Variants in DCDC1 observed in about 807,000 individuals in gnomAD.
DCDC1 encodes the protein doublecortin domain-containing protein 1.
A neutral mutation model predicts 178.3 loss-of-function variants in DCDC1; 200 were observed. The observed-to-expected ratio is 1.12, with a 90% CI of 1.00 to 1.26. The LOEUF (loss-of-function observed/expected upper bound fraction) is 1.26, where lower values mean the gene tolerates loss of function less well. DCDC1 is among the 50% of genes most tolerant of loss of function. The pLI, the probability that DCDC1 is intolerant of heterozygous loss-of-function variation, is 0.00. For missense variants in DCDC1, 1,983 were observed against 1,749.2 expected (o/e 1.13, Z -2.38); for synonymous variants, 690 against 604.8 (o/e 1.14, Z -2.07).
At chr11:31,305,814 T>A in intron 5 of DCDC1, 37 bp from the exon 6 acceptor site, 1 of 1,601,380 alleles carries the variant, frequency 6.2e-7, no homozygotes, top group Non-Finnish European at 8.5e-7. Context: ...AGTGATTTAC[T>A]ACAAAGAAAG....
chr11:31,297,262 A>C (rs902978392), intron 6 of DCDC1, among the ~76,000 whole-genome samples: 1 of 152,112 alleles, frequency 6.6e-6, no homozygotes, highest in Admixed American at 6.5e-5. Flanking sequence ...TAGTGAGGGG[A>C]CTGTAGGGTA....
chr11:30,969,493 T>A (rs1346372912), intron 20 of DCDC1, among the ~76,000 whole-genome samples: 1 of 152,190 alleles, frequency 6.6e-6, no homozygotes, highest in Non-Finnish European at 1.5e-5. Flanking sequence ...TGATACTGAT[T>A]TTTAAATTTC....
At chr11:31,073,610 C>G (rs1338003158) in intron 18 of DCDC1, among the ~76,000 whole-genome samples, 1 of 151,942 alleles carries the variant, frequency 6.6e-6, no homozygotes, top group Non-Finnish European at 1.5e-5. Flanking sequence ...AAGTACAAGA[C>G]TCCTTCTTCA....
At chr11:31,041,106 G>T (rs1590848639) in intron 20 of DCDC1, among the ~76,000 whole-genome samples, 1 of 152,186 alleles carries the variant, frequency 6.6e-6, no homozygotes, top group East Asian at 1.9e-4. Context: ...TACTTCTTGA[G>T]TTTGTGGTGT....
intron 20 of DCDC1, among the ~76,000 whole-genome samples, chr11:31,029,594 T>C (rs1202388875): frequency 6.6e-6 from 1 of 152,116 alleles, no homozygotes; most frequent in Non-Finnish European, 1.5e-5. Context: ...ATATTCTATG[T>C]TGTTTTGGTT....
At chr11:31,360,536 C>T (rs1951653703) in intron 1 of DCDC1, among the ~76,000 whole-genome samples, 1 of 152,090 alleles carries the variant, frequency 6.6e-6, no homozygotes, top group African/African-American at 2.4e-5. Context: ...CAGCAAATAA[C>T]TAATAATAAA....
At chr11:30,890,656 A>G (rs945297628) in intron 36 of DCDC1, among the ~76,000 whole-genome samples, 2 of 152,248 alleles carry the variant, frequency 1.3e-5, no homozygotes, top group African/African-American at 4.8e-5. Context: ...CACATAGGAA[A>G]ACATGCAAGA....
intron 20 of DCDC1, among the ~76,000 whole-genome samples, chr11:30,990,196 G>T (rs2134911801): frequency 6.6e-6 from 1 of 151,986 alleles, no homozygotes; most frequent in South Asian, 2.1e-4. Flanking sequence ...ATATATATAT[G>T]CAGTTGAGTT....
chr11:31,111,930 C>T (rs1959183052), intron 11 of DCDC1, among the ~76,000 whole-genome samples: 1 of 152,202 alleles, frequency 6.6e-6, no homozygotes, highest in Non-Finnish European at 1.5e-5. Context: ...TCTTGGTCAA[C>T]ACCTAATACC....
chr11:31,285,096 A>G (rs914366208), intron 7 of DCDC1, among the ~76,000 whole-genome samples: 16 of 152,080 alleles, frequency 1.1e-4, no homozygotes, highest in African/African-American at 3.9e-4. Flanking sequence ...TCATTTTTAA[A>G]AAAATTCTGA....
intron 23 of DCDC1, 131 bp downstream of exon 23, chr11:30,925,178 T>G: frequency 1.3e-6 from 1 of 769,446 alleles, no homozygotes; most frequent in Non-Finnish European, 2.1e-6. Context: ...TGATGTTTGC[T>G]CAGTTAGGAT....
intron 10 of DCDC1, 134 bp from the exon 11 acceptor site, chr11:31,127,773 A>G (rs1961858909): frequency 5.3e-6 from 3 of 565,450 alleles, no homozygotes; most frequent in Non-Finnish European, 9.4e-6. Flanking sequence ...TCTATCCTCA[A>G]GTAAAAACAA....
chr11:31,325,216 T>C (rs1349837893), intron 3 of DCDC1, among the ~76,000 whole-genome samples: 2 of 152,192 alleles, frequency 1.3e-5, no homozygotes, highest in Non-Finnish European at 2.9e-5. Context: ...GTGCTGGATA[T>C]GAATATGGTG....
chr11:30,882,437 T>C (rs1470893559), intron 36 of DCDC1: 1 of 112,812 alleles, frequency 8.9e-6, no homozygotes. Flanking sequence ...TAATGTTATC[T>C]ATTTTTATAT....
intron 20 of DCDC1, among the ~76,000 whole-genome samples, chr11:31,060,256 C>A (rs1187011320): frequency 6.6e-6 from 1 of 151,914 alleles, no homozygotes; most frequent in Non-Finnish European, 1.5e-5. Flanking sequence ...GACTTTACAG[C>A]AATTGTAAAA....
Position 30,881,166 on chromosome 11 carries a change from G to A in DCDC1, c.5225C>T (p.Thr1742Ile), listed in dbSNP as rs1296485053. Residue 1742 changes from threonine to isoleucine, a missense_variant, in exon 37 of 39, where the codon ACC becomes ATC. Physicochemically the swap from Thr to Ile is moderately conservative, Grantham distance 89 (BLOSUM62 -1). Coordinates refer to ENST00000684477, the MANE Select transcript of DCDC1 (RefSeq NM_001387274.1). ...ICVSMGHGFK[T>I]PKELKQLMEI... ...GAAACTATCATGCATACCTTTTGGGGTTTTGAAACCATGTCCCATAGACAC... is the reference window on the plus strand; with the variant it reads ...GAAACTATCATGCATACCTTTTGGGATTTTGAAACCATGTCCCATAGACAC... 1.9e-6 allele frequency: 3 copies of A among 1,613,144 alleles called. No homozygotes were observed. Among genetic ancestry groups the A allele is most frequent in the Non-Finnish European group, 1.7e-6 (2 of 1,179,428 alleles).
At chr11:31,364,187 G>C (rs142709941) in intron 1 of DCDC1, among the ~76,000 whole-genome samples, 250 of 152,228 alleles carry the variant, frequency 1.6e-3, no homozygotes, top group African/African-American at 5.3e-3. Flanking sequence ...ATGTATTAAG[G>C]CACTAATAAT....
At chr11:31,084,779 T>C (rs976454469) in intron 17 of DCDC1, among the ~76,000 whole-genome samples, 2 of 151,936 alleles carry the variant, frequency 1.3e-5, no homozygotes, top group African/African-American at 4.8e-5. Context: ...GCCCAAGCTT[T>C]CTCCTCTATA....
chr11:31,067,022 T>C (rs978549830), intron 18 of DCDC1, among the ~76,000 whole-genome samples: 2 of 152,132 alleles, frequency 1.3e-5, no homozygotes, highest in Non-Finnish European at 2.9e-5. Context: ...AAAAGTGCTC[T>C]AAAAAGTAAA....
Sources: allele counts gnomAD v4.1 joint callset (sites outside exome capture counted in the v4.1 genomes callset), GRCh38; gene constraint gnomAD v4.1.1; transcripts MANE v1.5; gene names NCBI Gene and HGNC (gene_info 2026-07-23, HGNC 2026-07-21).